ACACA: variants seen among roughly 807,000 people sequenced by gnomAD.
ACACA encodes the protein acetyl-CoA carboxylase alpha, also known as acetyl-CoA carboxylase 1.
Under a neutral mutation model 296.1 loss-of-function variants are expected in ACACA, and 103 were observed. The observed-to-expected ratio is 0.35, with a 90% confidence interval of 0.30 to 0.41. The LOEUF (loss-of-function observed/expected upper bound fraction) is 0.41, where lower values mean the gene tolerates loss of function less well. Among genes scored for constraint, ACACA ranks in the 10% least tolerant of loss-of-function variants. ACACA has a pLI of 1.00. For missense variants in ACACA, 1,554 were observed against 2,989.7 expected, an observed-to-expected ratio of 0.52 and a Z score of 11.20; for synonymous variants, 953 against 1,038.6, an observed-to-expected ratio of 0.92 and a Z score of 1.58.
intron 52 of ACACA, among the ~76,000 whole-genome samples, chr17:37,104,944 G>GAAAAAAAAAAAAAAAAAA: frequency 1.8e-5 from 1 of 56,648 alleles, no homozygotes; most frequent in East Asian, 5.1e-4. Flanking sequence ...GTCTCTGACC[G>GAAAAAAAAAAAAAAAAAA]AAAAAAAAAA....
chr17:37,276,072 A>G (rs766090310), intron 7 of ACACA, 23 bp from the exon 8 acceptor site: 3 of 1,572,794 alleles, frequency 1.9e-6, no homozygotes, highest in Non-Finnish European at 2.6e-6. Context: ...CAGGAAAAGA[A>G]TCCTGACTGT....
intron 41 of ACACA, 61 bp downstream of exon 41, chr17:37,179,199 C>T (rs915351850): frequency 2.5e-6 from 4 of 1,608,092 alleles, no homozygotes; most frequent in African/African-American, 1.3e-5. Context: ...GACCACCTCA[C>T]AGAAAGCTGG....
intron 1 of ACACA, among the ~76,000 whole-genome samples, chr17:37,402,780 C>A (rs2147855839): frequency 6.6e-6 from 1 of 152,232 alleles, no homozygotes; most frequent in South Asian, 2.1e-4. Flanking sequence ...TCACGCCATT[C>A]TTCTTCCTCA....
chr17:37,394,364 C>G (rs917706129), intron 1 of ACACA, among the ~76,000 whole-genome samples: 3 of 151,890 alleles, frequency 2.0e-5, no homozygotes, highest in Non-Finnish European at 4.4e-5. Flanking sequence ...GCATGCGCCA[C>G]CACACCCAGC....
In ACACA at chr17:37,258,383, A is replaced by G. The variant is rs1567895667; in HGVS notation, c.1501-10T>C. On this transcript the variant is annotated splice_polypyrimidine_tract_variant and intron_variant, in intron 12 of 55. Coordinates refer to ENST00000616317, the MANE Select transcript of ACACA (RefSeq NM_198834.3). ...GAATCCCCATGGCAATCTGAAAGGT[A>G]ATAAAACACACATCTTTAATTTTTC... 6.2e-7 allele frequency: 1 copy of G among 1,613,646 alleles called. No individual in the cohort carries two copies. The highest frequency in any genetic ancestry group is 8.5e-7 in the Non-Finnish European group (1 of 1,179,560).
At chr17:37,350,703 G>A (rs976619217) in intron 1 of ACACA, among the ~76,000 whole-genome samples, 9 of 152,206 alleles carry the variant, frequency 5.9e-5, no homozygotes, top group African/African-American at 2.2e-4. Context: ...TCCGGGCATG[G>A]TGGCGCATGC....
chr17:37,323,412 T>G (rs771536515), intron 3 of ACACA, among the ~76,000 whole-genome samples: 10 of 152,166 alleles, frequency 6.6e-5, no homozygotes, highest in Non-Finnish European at 1.2e-4. Context: ...CAGGGCAACA[T>G]AGCAAGACCC....
chr17:37,339,782 A>G, intron 2 of ACACA, 22 bp downstream of exon 2: 1 of 1,341,566 alleles, frequency 7.5e-7, no homozygotes, highest in Non-Finnish European at 1.1e-6. Flanking sequence ...ATTGTAAACA[A>G]GGAGTATTAT....
intron 18 of ACACA, among the ~76,000 whole-genome samples, chr17:37,247,244 GAT>G (rs1051676232): frequency 6.6e-6 from 1 of 152,046 alleles, no homozygotes; most frequent in African/African-American, 2.4e-5. Context: ...CACACACAAA[GAT>G]ATTGATGACG....
intron 1 of ACACA, among the ~76,000 whole-genome samples, chr17:37,404,460 C>T (rs2051396028): frequency 6.6e-6 from 1 of 152,096 alleles, no homozygotes; most frequent in Non-Finnish European, 1.5e-5. Flanking sequence ...TCAATCCATC[C>T]TCCTGCCTCA....
In ACACA at chr17:37,192,210, T is replaced by G; in HGVS notation, c.4296A>C (p.Pro1432=). 3 of 1,613,868 alleles carry G rather than the reference T, an allele frequency of 1.9e-6. No homozygotes were observed. Among genetic ancestry groups the G allele is most frequent in the Non-Finnish European group, 2.5e-6 (3 of 1,179,976 alleles). The change falls in exon 37 of 56, where the codon CCA becomes CCC. Residue 1432 remains proline (P), a synonymous_variant. Coordinates refer to ENST00000616317, the MANE Select transcript of ACACA (RefSeq NM_198834.3). ...RMRNFDLTAI[P]CANHKMHLYL... ...ACAGGTGCATCTTGTGATTAGCACATGGAATGGCAGTGAGGTCAAAATTTC... is the reference window on the plus strand; with the variant it reads ...ACAGGTGCATCTTGTGATTAGCACAGGGAATGGCAGTGAGGTCAAAATTTC...
chr17:37,263,999 C>A, intron 10 of ACACA, 105 bp from the exon 11 acceptor site: 1 of 886,490 alleles, frequency 1.1e-6, no homozygotes, highest in South Asian at 1.5e-5. Flanking sequence ...CCAGAAGTGT[C>A]AGGAACCATG....
chr17:37,144,906 T>C (rs1050537104), intron 45 of ACACA, among the ~76,000 whole-genome samples: 2 of 152,158 alleles, frequency 1.3e-5, no homozygotes, highest in Admixed American at 6.5e-5. Flanking sequence ...ATCACTGCCT[T>C]TGGCATATAC....
chr17:37,314,633 ACTT>A (rs1379913718), intron 3 of ACACA, among the ~76,000 whole-genome samples: 4 of 134,954 alleles, frequency 3.0e-5, no homozygotes, highest in South Asian at 2.5e-4. Flanking sequence ...AGGAATCCAC[ACTT>A]TTTTTTTTTT....
At chr17:37,206,748 G>C (rs747088206) in intron 32 of ACACA, 35 bp downstream of exon 32, 1 of 1,507,746 alleles carries the variant, frequency 6.6e-7, no homozygotes, top group Non-Finnish European at 9.2e-7. Flanking sequence ...CATGTCTGAG[G>C]GGAACAAAGC....
At chr17:37,370,054 G>T (rs1262082516) in intron 1 of ACACA, among the ~76,000 whole-genome samples, 6 of 148,214 alleles carry the variant, frequency 4.0e-5, no homozygotes, top group Admixed American at 6.8e-5. Context: ...TGTCACCAAG[G>T]CTGGAGTGCA....
chr17:37,378,586 G>A lies in ACACA; in HGVS notation c.38+27676C>T, dbSNP rs543663753. On this transcript the variant is annotated intron_variant, in intron 1 of 55. Coordinates refer to ENST00000616317, the MANE Select transcript of ACACA (RefSeq NM_198834.3). The stretch of plus-strand genomic sequence containing the variant: ...AAATCAGCTGGATGTGGTGGTGCAC[G>A]CCTGTAACCCCAGCTACCTGGGAGG... Among the ~76,000 whole-genome samples, 22 of 152,292 alleles carry A rather than the reference G, an allele frequency of 1.4e-4. 1 individual carries two copies. The highest frequency in any genetic ancestry group is 3.8e-4 in the African/African-American group (16 of 41,578).
At chr17:37,277,162 C>A in intron 6 of ACACA, 48 bp from the exon 7 acceptor site, 2 of 1,527,712 alleles carry the variant, frequency 1.3e-6, no homozygotes, top group Non-Finnish European at 1.8e-6. Flanking sequence ...ATACAAAACC[C>A]CCACAAACTG....
At chr17:37,356,868 GAA>G (rs745834279) in intron 1 of ACACA, among the ~76,000 whole-genome samples, 1 of 151,810 alleles carries the variant, frequency 6.6e-6, no homozygotes, top group Non-Finnish European at 1.5e-5. Flanking sequence ...CCAATTAAAG[GAA>G]AAAAAGATTT....
Sources: gnomAD v4.1 joint callset for allele counts (sites outside exome capture counted in the v4.1 genomes callset) on GRCh38, gnomAD v4.1.1 for gene constraint, MANE v1.5 for transcripts, NCBI Gene and HGNC (gene_info 2026-07-23, HGNC 2026-07-21) for gene names.